RYR2: variants seen among roughly 807,000 people sequenced by gnomAD.
RYR2 encodes the protein cardiac muscle ryanodine receptor-calcium release channel.
In RYR2, 227 loss-of-function variants were observed where a neutral mutation model predicts 601.1. The observed-to-expected ratio is 0.38, with a 90% CI of 0.34 to 0.42. The LOEUF (loss-of-function observed/expected upper bound fraction) is 0.42. Among genes scored for constraint, RYR2 ranks in the 10% least tolerant of loss-of-function variants. The pLI, the probability that RYR2 is intolerant of heterozygous loss-of-function variation, is 1.00. For missense variants in RYR2, 4,646 were observed against 6,156.5 expected (o/e 0.75, Z 8.21); for synonymous variants, 2,223 against 2,175.1 (o/e 1.02, Z -0.61).
intron 1 of RYR2, among the ~76,000 whole-genome samples, chr1:237,055,452 C>T (rs1197167902): frequency 6.6e-6 from 1 of 152,060 alleles, no homozygotes; most frequent in Non-Finnish European, 1.5e-5. Context: ...AGACAGTCAC[C>T]ACGGAGCTGG....
chr1:237,717,162 C>T (rs376791504), intron 71 of RYR2, 36 bp from the exon 72 acceptor site: 3 of 1,599,428 alleles, frequency 1.9e-6, no homozygotes, highest in African/African-American at 1.3e-5. Context: ...GTGAGAAAAG[C>T]AGGTTCAGAT....
chr1:237,051,221 C>G lies in RYR2; in HGVS notation c.48+8652C>G, dbSNP rs375963262. On this transcript the variant is annotated intron_variant, in intron 1 of 104. Transcript: ENST00000366574. ...TCCCTCCCTTTCCCTTTCTCTCCCC[C>G]CCCTTCCTCCCCTTTCCCTCCCCTT... Among the ~76,000 whole-genome samples, 15 of 113,040 alleles carry G rather than the reference C, an allele frequency of 1.3e-4. No homozygotes were observed. The East Asian group carries it at 2.5e-3, about 19-fold the overall frequency. The allele number at this position is 113,040 out of a possible 152,430, so 74.2% of individuals were successfully genotyped here. A position where few individuals can be genotyped will look rare whatever the true frequency, so the allele number is the denominator to read the frequency against.
chr1:237,698,394 A>G (rs952185427), intron 63 of RYR2, among the ~76,000 whole-genome samples: 3 of 152,008 alleles, frequency 2.0e-5, no homozygotes, highest in African/African-American at 4.8e-5. Context: ...TAACTTCTTT[A>G]GTGTCTGATT....
At chr1:237,375,101 T>G (rs1700918383) in intron 7 of RYR2, among the ~76,000 whole-genome samples, 2 of 152,196 alleles carry the variant, frequency 1.3e-5, no homozygotes, top group African/African-American at 4.8e-5. Flanking sequence ...CTAATTAGTT[T>G]GTGAAGTAAT....
At chr1:237,502,688 A>G (rs566627639) in intron 21 of RYR2, among the ~76,000 whole-genome samples, 9 of 152,108 alleles carry the variant, frequency 5.9e-5, no homozygotes, top group Non-Finnish European at 1.3e-4. Context: ...TTGCCCACAC[A>G]GCTCACCTCC....
chr1:237,415,207 T>C (rs1704852612), intron 10 of RYR2, among the ~76,000 whole-genome samples: 1 of 152,156 alleles, frequency 6.6e-6, no homozygotes, highest in South Asian at 2.1e-4. Flanking sequence ...AGAGAGTTTT[T>C]TAAAGTCCTG....
chr1:237,591,374 AT>A (rs1675184695), intron 31 of RYR2, among the ~76,000 whole-genome samples: 1 of 152,032 alleles, frequency 6.6e-6, no homozygotes, highest in South Asian at 2.1e-4. Context: ...CTTGCAGAGC[AT>A]TTTCTCCAAA....
At chr1:237,396,301 T>C (rs1240082779) in intron 10 of RYR2, among the ~76,000 whole-genome samples, 1 of 152,204 alleles carries the variant, frequency 6.6e-6, no homozygotes, top group Admixed American at 6.5e-5. Context: ...ATATTGAGAA[T>C]ACCTTGATTT....
intron 29 of RYR2, among the ~76,000 whole-genome samples, chr1:237,585,274 A>G (rs139285688): frequency 6.6e-6 from 1 of 152,306 alleles, no homozygotes; most frequent in African/African-American, 2.4e-5. Flanking sequence ...AGTAGCTGTG[A>G]GGGCAAGTGA....
At chr1:237,158,267 G>A (rs1268209894) in intron 1 of RYR2, among the ~76,000 whole-genome samples, 1 of 152,180 alleles carries the variant, frequency 6.6e-6, no homozygotes, top group Non-Finnish European at 1.5e-5. Flanking sequence ...ACTTTCAGCT[G>A]TGGGGATCAG....
Position 237,663,010 on chromosome 1 carries a change from G to A in RYR2, c.8436+2063G>A, listed in dbSNP as rs188187499. On this transcript the variant is annotated intron_variant, in intron 56 of 104. Coordinates refer to ENST00000366574, the MANE Select transcript of RYR2 (RefSeq NM_001035.3). ...CATTTGTTGAGAGCATCTCATTAGTGGTAAATGAAAGAGTATATTTGTGTT... is the reference window on the plus strand; with the variant it reads ...CATTTGTTGAGAGCATCTCATTAGTAGTAAATGAAAGAGTATATTTGTGTT... Among the ~76,000 whole-genome samples the A allele has an allele frequency of 1.7e-4, 26 of 152,226 alleles. No individual in the cohort carries two copies. In the East Asian group the frequency reaches 4.8e-3, roughly 28 times the overall value.
intron 80 of RYR2, among the ~76,000 whole-genome samples, chr1:237,752,322 T>G (rs1410257806): frequency 6.6e-6 from 1 of 152,144 alleles, no homozygotes; most frequent in Non-Finnish European, 1.5e-5. Flanking sequence ...CTGGCTATTT[T>G]TAGTTTTTTG....
chr1:237,506,846 T>A (rs773954590), intron 23 of RYR2, 32 bp downstream of exon 23: 3 of 1,504,660 alleles, frequency 2.0e-6, no homozygotes, highest in Non-Finnish European at 1.8e-6. Context: ...TTTCAGATTC[T>A]GTGAATACAT....
chr1:237,502,206 G>A (rs1411330030), intron 21 of RYR2, among the ~76,000 whole-genome samples: 3 of 152,102 alleles, frequency 2.0e-5, no homozygotes, highest in Non-Finnish European at 2.9e-5. Flanking sequence ...ATTTATTTTT[G>A]TAAACCCGAG....
intron 98 of RYR2, among the ~76,000 whole-genome samples, chr1:237,803,452 C>T (rs976191160): frequency 2.6e-5 from 4 of 152,174 alleles, no homozygotes; most frequent in Admixed American, 6.5e-5. Flanking sequence ...AGGCGCCCGC[C>T]ACCACGCCCG....
intron 4 of RYR2, among the ~76,000 whole-genome samples, chr1:237,360,543 A>G (rs1462095998): frequency 6.6e-6 from 1 of 152,224 alleles, no homozygotes; most frequent in Non-Finnish European, 1.5e-5. Context: ...CAAATTTATT[A>G]TACTCGAAAG....
At chr1:237,049,500 TC>T (rs1660988290) in intron 1 of RYR2, among the ~76,000 whole-genome samples, 3 of 152,148 alleles carry the variant, frequency 2.0e-5, no homozygotes, top group African/African-American at 7.2e-5. Context: ...TGCGGTAATT[TC>T]CATTGTCATG....
chr1:237,586,915 C>G (rs1233219355), intron 29 of RYR2, among the ~76,000 whole-genome samples: 1 of 151,958 alleles, frequency 6.6e-6, no homozygotes, highest in Non-Finnish European at 1.5e-5. Flanking sequence ...AGAAGGGTTT[C>G]ACCATATTGG....
chr1:237,662,052 A>G (rs112364106), intron 56 of RYR2, among the ~76,000 whole-genome samples: 76 of 152,160 alleles, frequency 5.0e-4, no homozygotes, highest in Non-Finnish European at 9.3e-4. Flanking sequence ...ATTTACACAA[A>G]TATCATTTTT....
Sources: allele counts gnomAD v4.1 joint callset (sites outside exome capture counted in the v4.1 genomes callset), GRCh38; gene constraint gnomAD v4.1.1; transcripts MANE v1.5; gene names NCBI Gene and HGNC (gene_info 2026-07-23, HGNC 2026-07-21).